Variants in WDFY4 observed in about 807,000 individuals in gnomAD.
WDFY4 encodes the protein WD repeat- and FYVE domain-containing protein 4.
Under a neutral mutation model 351.9 loss-of-function variants are expected in WDFY4, and 169 were observed. The observed-to-expected ratio is 0.48, with a 90% CI of 0.42 to 0.55. The LOEUF is 0.55. WDFY4 is among the 20% of genes least tolerant of loss of function. The pLI is 0.00. For missense variants in WDFY4, 3,803 were observed against 3,935.6 expected (o/e 0.97, Z 0.90); for synonymous variants, 1,622 against 1,574.6 (o/e 1.03, Z -0.71).
chr10:48,737,242 TCAAG>T (rs1365271295), intron 11 of WDFY4, among the ~76,000 whole-genome samples: 7 of 152,146 alleles, frequency 4.6e-5, no homozygotes, highest in Non-Finnish European at 8.8e-5. Context: ...ACTTCTGACC[TCAAG>T]CAGTTCTCCC....
intron 28 of WDFY4, 69 bp downstream of exon 28, chr10:48,808,027 C>CA: frequency 7.6e-7 from 1 of 1,308,012 alleles, no homozygotes; most frequent in Non-Finnish European, 1.0e-6. Flanking sequence ...TAAACCTTTT[C>CA]TTAATGAAAA....
chr10:48,774,307 C>T, intron 13 of WDFY4, 151 bp from the exon 14 acceptor site: 1 of 834,100 alleles, frequency 1.2e-6, no homozygotes, highest in African/African-American at 1.7e-5. Context: ...CTGGAAGAAC[C>T]CTGAGACAGG....
chr10:48,813,916 G>C, intron 30 of WDFY4, 41 bp from the exon 31 acceptor site: 1 of 1,458,892 alleles, frequency 6.9e-7, no homozygotes, highest in Non-Finnish European at 9.1e-7. Flanking sequence ...CTCTTGGTGA[G>C]TAGCCGCAGG....
At position 48,776,970 on chromosome 10, in the gene WDFY4, C is replaced by T. The variant is rs191941522; in HGVS notation, c.3084C>T (p.Ser1028=). 9.7e-4 allele frequency: 1,506 copies of T among 1,552,190 alleles called. 4 individuals are homozygous for T. Among genetic ancestry groups the T allele is most frequent in the Middle Eastern group, 4.7e-3 (28 of 5,996 alleles). ...LAPSFVEFDM[S]VEGYGCLFIP... is the part of the protein sequence containing the mutation. ...CATCGTTTGTGGAATTTGACATGTC[C>T]GTGGAAGGTTATGGGTATGACAGGC... Residue 1028 remains serine (S), a synonymous_variant, in exon 16 of 62, where the codon TCC becomes TCT. Coordinates refer to ENST00000325239, the MANE Select transcript of WDFY4 (RefSeq NM_001394531.1).
chr10:48,927,147 T>C (rs929417841), intron 47 of WDFY4, among the ~76,000 whole-genome samples: 3 of 152,156 alleles, frequency 2.0e-5, no homozygotes, highest in African/African-American at 7.2e-5. Flanking sequence ...CACTTGAAAG[T>C]CTAACCTCTC....
In WDFY4 at chr10:48,978,298, T is replaced by A; in HGVS notation, c.9292-11T>A. 1 of 1,550,608 alleles carries A rather than the reference T, an allele frequency of 6.4e-7. No individual in the cohort carries two copies. Among genetic ancestry groups the A allele is most frequent in the Non-Finnish European group, 8.7e-7 (1 of 1,146,392 alleles). The stretch of plus-strand genomic sequence containing the variant: ...TCTTCCCCGCCGATGACATTTGCTC[T>A]TTTGGGGCAGGTTTGGAAGACTGAG... On this transcript the variant is annotated splice_polypyrimidine_tract_variant and intron_variant, in intron 59 of 61. Transcript: ENST00000325239.
chr10:48,959,332 G>A (rs960398651), intron 52 of WDFY4, among the ~76,000 whole-genome samples: 1 of 152,196 alleles, frequency 6.6e-6, no homozygotes, highest in African/African-American at 2.4e-5. Flanking sequence ...CGTGGAGTGA[G>A]GTGCTTAGAA....
At chr10:48,860,062 C>G (rs953655290) in intron 39 of WDFY4, among the ~76,000 whole-genome samples, 1 of 152,168 alleles carries the variant, frequency 6.6e-6, no homozygotes, top group Non-Finnish European at 1.5e-5. Context: ...TTGAGAATTG[C>G]AGTTTGTGTC....
intron 39 of WDFY4, among the ~76,000 whole-genome samples, chr10:48,864,932 TA>T (rs1356697870): frequency 6.6e-6 from 1 of 152,208 alleles, no homozygotes; most frequent in Non-Finnish European, 1.5e-5. Flanking sequence ...AAACTTTGCT[TA>T]ATTCATTTAT....
At chr10:48,882,628 G>A (rs190027465) in intron 43 of WDFY4, among the ~76,000 whole-genome samples, 2 of 152,296 alleles carry the variant, frequency 1.3e-5, no homozygotes, top group East Asian at 3.9e-4. Context: ...GAAGCTTCCA[G>A]TCATGGTGGA....
At chr10:48,787,882 CTTCTTCTTCTCCTTCTTCTTCTT>C (rs1565198187) in intron 20 of WDFY4, among the ~76,000 whole-genome samples, 3 of 85,162 alleles carry the variant, frequency 3.5e-5, no homozygotes, top group Non-Finnish European at 6.1e-5. Flanking sequence ...TTCTTTCTTT[CTTCTTCTTCTCCTTCTTCTTCTT>C]CTTCTTCTTC....
At chr10:48,974,813 G>C in intron 57 of WDFY4, 49 bp from the exon 58 acceptor site, 1 of 1,466,724 alleles carries the variant, frequency 6.8e-7, no homozygotes, top group Non-Finnish European at 9.0e-7. Flanking sequence ...ATTCCCAAAA[G>C]TAGCTGAATT....
chr10:48,785,089 T>C (rs1447803470), intron 19 of WDFY4, among the ~76,000 whole-genome samples: 1 of 151,948 alleles, frequency 6.6e-6, no homozygotes, highest in Non-Finnish European at 1.5e-5. Context: ...CTCGATCTCC[T>C]GACCTCGTGA....
chr10:48,947,252 T>C (rs556327631), intron 51 of WDFY4, among the ~76,000 whole-genome samples: 1 of 151,974 alleles, frequency 6.6e-6, no homozygotes, highest in African/African-American at 2.4e-5. Flanking sequence ...TTAACATAAA[T>C]AAGATTTAGT....
At chr10:48,799,172 C>T (rs1215970176) in intron 24 of WDFY4, among the ~76,000 whole-genome samples, 3 of 152,116 alleles carry the variant, frequency 2.0e-5, no homozygotes, top group Admixed American at 2.0e-4. Context: ...CCACCCTACC[C>T]CACCCCACCC....
chr10:48,850,069 A>G (rs117956752), intron 39 of WDFY4, among the ~76,000 whole-genome samples: 270 of 152,284 alleles, frequency 1.8e-3, no homozygotes, highest in Middle Eastern at 0.01. Context: ...TTTCCACATG[A>G]TATCAGGGGA....
intron 52 of WDFY4, among the ~76,000 whole-genome samples, chr10:48,958,602 AC>A (rs1302796328): frequency 6.6e-6 from 1 of 151,844 alleles, no homozygotes; most frequent in African/African-American, 2.4e-5. Flanking sequence ...GTATATAGGG[AC>A]CTTTTTTTTT....
intron 12 of WDFY4, chr10:48,745,886 A>C (rs1394024690): frequency 3.7e-6 from 1 of 266,860 alleles, no homozygotes; most frequent in African/African-American, 2.3e-5. Context: ...CGGGCCCTGC[A>C]CTGTCGGCTG....
chr10:48,783,728 C>T lies in WDFY4; in HGVS notation c.3577-2911C>T, dbSNP rs550017235. Among the ~76,000 whole-genome samples the T allele has an allele frequency of 2.6e-5, 4 of 152,218 alleles. No homozygotes were observed. The South Asian group carries it at 8.3e-4, about 32-fold the overall frequency. ...TTGTATACTGCTTAGTTCATTTAAC[C>T]TCTCATTTAACCTAACACTTAGGCT... On this transcript the variant is annotated intron_variant, in intron 19 of 61. Transcript: ENST00000325239.
Sources: gnomAD v4.1 joint callset for allele counts (sites outside exome capture counted in the v4.1 genomes callset) on GRCh38, gnomAD v4.1.1 for gene constraint, MANE v1.5 for transcripts, NCBI Gene and HGNC (gene_info 2026-07-23, HGNC 2026-07-21) for gene names.